PRSS35: variants seen among roughly 807,000 people sequenced by gnomAD.
The protein encoded by PRSS35 is serine protease 35, also known as inactive serine protease 35.
PRSS35 carries 7 observed loss-of-function variants against 8.1 expected under a neutral mutation model. That is an observed-to-expected ratio of 0.86 (90% CI 0.49 to 1.62). The LOEUF is 1.62. Among genes scored for constraint, PRSS35 ranks in the 40% most tolerant of loss-of-function variants. The pLI, the probability that PRSS35 is intolerant of heterozygous loss-of-function variation, is 0.00. For synonymous variants in PRSS35, 199 were observed against 188.7 expected, an observed-to-expected ratio of 1.05 and a Z score of -0.45; for missense variants, 566 against 518.0, an observed-to-expected ratio of 1.09 and a Z score of -0.90.
Position 83,524,002 on chromosome 6 carries a change from G to T in PRSS35, c.561G>T (p.Gly187=). The change falls in exon 2 of 2, where the codon GGG becomes GGT. Residue 187 remains glycine, a synonymous_variant. Coordinates refer to ENST00000369700, the MANE Select transcript of PRSS35 (RefSeq NM_153362.3). The part of the protein sequence containing the change: ...YVKGSKKLRV[G]LLKMRNKSGG... ...AAGGGAGTAAAAAGCTAAGGGTAGGGTTGTTGAAGATGAGGAATAAAAGTG... is the reference window on the plus strand; with the variant it reads ...AAGGGAGTAAAAAGCTAAGGGTAGGTTTGTTGAAGATGAGGAATAAAAGTG... 1 of 1,614,166 alleles carries T rather than the reference G, an allele frequency of 6.2e-7. No individual in the cohort carries two copies. Among genetic ancestry groups the T allele is most frequent in the Non-Finnish European group, 8.5e-7 (1 of 1,180,038 alleles).
At position 83,523,514 on chromosome 6, in the gene PRSS35, T is replaced by G. The variant is rs755245905; in HGVS notation, c.73T>G (p.Trp25Gly). 4 of 1,614,042 alleles carry G rather than the reference T, an allele frequency of 2.5e-6. No homozygotes were observed. In the Admixed American group the frequency reaches 5.0e-5, roughly 20 times the overall value. Residue 25 changes from tryptophan to glycine, a missense_variant, in exon 2 of 2, where the codon TGG (tryptophan) becomes GGG (glycine). Trp to Gly is a radical substitution (Grantham distance 184). Coordinates refer to ENST00000369700, the MANE Select transcript of PRSS35 (RefSeq NM_153362.3). ...WTLIDGSEMEWDFMWHLRKVP... is the reference protein window; with the variant it reads ...WTLIDGSEMEGDFMWHLRKVP... ...CCTCATTGATGGATCTGAAATGGAA[T>G]GGGATTTTATGTGGCACTTGAGAAA...
At chr6:83,517,958 C>T (rs1008151742) in intron 1 of PRSS35, among the ~76,000 whole-genome samples, 3 of 152,110 alleles carry the variant, frequency 2.0e-5, no homozygotes, top group South Asian at 2.1e-4. Context: ...CCCATGGCAA[C>T]ATGCTATGTA....
rs561976793 is a variant in PRSS35, at chr6:83,524,959, A to G, written c.*276A>G. 39 of 382,088 alleles carry G rather than the reference A, an allele frequency of 1.0e-4. No homozygotes were observed. The highest frequency in any genetic ancestry group is 7.5e-4 in the African/African-American group (36 of 47,976). 23.7% of individuals were successfully genotyped at this position (382,088 alleles called of 1,614,324 possible). A position where few individuals can be genotyped will look rare whatever the true frequency, so the allele number is the denominator to read the frequency against. On this transcript the variant is annotated 3_prime_UTR_variant, in exon 2 of 2. Transcript: ENST00000369700. ...TTTGTTGCCTTCTTAAAAATTAGAC[A>G]CACTTTAAACCTTCAAACAGGTATT... is the stretch of plus-strand genomic sequence containing the variant.
rs1771789815 is a variant in PRSS35, at chr6:83,519,891, T to C, written c.-20-3531T>C. ...TATGAGATATTGGAGGCATTACATA[T>C]AAACCTTATGAACTTCACTTTTGCC... is the stretch of plus-strand genomic sequence containing the variant. On this transcript the variant is annotated intron_variant, in intron 1 of 1. Coordinates refer to ENST00000369700, the MANE Select transcript of PRSS35 (RefSeq NM_153362.3). Among the ~76,000 whole-genome samples, 2 of 152,126 alleles carry C rather than the reference T, an allele frequency of 1.3e-5. 1 individual carries two copies. The highest frequency in any genetic ancestry group is 4.2e-4 in the South Asian group (2 of 4,814).
intron 1 of PRSS35, among the ~76,000 whole-genome samples, chr6:83,519,236 T>A (rs1422134938): frequency 2.6e-5 from 4 of 152,190 alleles, no homozygotes; most frequent in African/African-American, 9.6e-5. Flanking sequence ...CTTAATTCCC[T>A]TCTACTCAAT....
chr6:83,516,776 G>A (rs759564033), intron 1 of PRSS35, among the ~76,000 whole-genome samples: 7 of 151,890 alleles, frequency 4.6e-5, no homozygotes, highest in Non-Finnish European at 8.8e-5. Context: ...ATCCTGCATT[G>A]CTCTGGCCTC....
intron 1 of PRSS35, among the ~76,000 whole-genome samples, chr6:83,517,164 T>C (rs1771738856): frequency 6.6e-6 from 1 of 152,174 alleles, no homozygotes; most frequent in Non-Finnish European, 1.5e-5. Flanking sequence ...ATTATCTCTA[T>C]CTAATAAATG....
At chr6:83,513,401 T>C (rs1455486161) in intron 1 of PRSS35, among the ~76,000 whole-genome samples, 4 of 152,242 alleles carry the variant, frequency 2.6e-5, no homozygotes, top group Non-Finnish European at 4.4e-5. Context: ...TTTTACACTG[T>C]CCTTGATTTG....
At chr6:83,518,755 A>G (rs980546520) in intron 1 of PRSS35, among the ~76,000 whole-genome samples, 1 of 150,538 alleles carries the variant, frequency 6.6e-6, no homozygotes, top group Non-Finnish European at 1.5e-5. Flanking sequence ...AAATTCACCA[A>G]TTAAGGTAGG....
chr6:83,515,642 C>T lies in PRSS35; in HGVS notation c.-21+2948C>T, dbSNP rs1417670424. On this transcript the variant is annotated intron_variant, in intron 1 of 1. Coordinates refer to ENST00000369700, the MANE Select transcript of PRSS35 (RefSeq NM_153362.3). ...ACTCAGCCCAGAGTAGCTGGGACCACAGGCATGCGCCACCACACTTGTAGA... is the reference window on the plus strand; with the variant it reads ...ACTCAGCCCAGAGTAGCTGGGACCATAGGCATGCGCCACCACACTTGTAGA... 1.3e-5 allele frequency among the ~76,000 whole-genome samples: 2 copies of T among 152,046 alleles called. 1 individual carries two copies. The highest frequency in any genetic ancestry group is 1.3e-4 in the Admixed American group (2 of 15,260).
rs114766513 is a variant in PRSS35 at position 83,520,588 on chromosome 6, G to A, written c.-20-2834G>A. On this transcript the variant is annotated intron_variant, in intron 1 of 1. Transcript: ENST00000369700. ...AGAATGTGAACGTGAACACAGAGAA[G>A]GAAAACCATGCCTATATCATTGGTA... 3.9e-3 allele frequency among the ~76,000 whole-genome samples: 595 copies of A among 152,214 alleles called. 8 individuals are homozygous for A. Among genetic ancestry groups the A allele is most frequent in the African/African-American group, 0.014 (574 of 41,542 alleles).
At chr6:83,515,524 T>G (rs910443553) in intron 1 of PRSS35, among the ~76,000 whole-genome samples, 1 of 152,020 alleles carries the variant, frequency 6.6e-6, no homozygotes, top group African/African-American at 2.4e-5. Flanking sequence ...GAGACAGGGT[T>G]GCCCTGTCTC....
chr6:83,523,787 G>A lies in PRSS35; in HGVS notation c.346G>A (p.Val116Ile), dbSNP rs201992952. Residue 116 changes from valine (V) to isoleucine (I), a missense_variant, in exon 2 of 2, where the codon GTA becomes ATA. By Grantham distance (29) the Val-to-Ile change is conservative. Transcript: ENST00000369700. ...EPTQNITTKG[V>I]SVRRKRQVYG... ...GACTCAAAATATCACCACAAAGGGAGTATCTGTTAGGAGAAAGAGACAGGT... is the reference window on the plus strand; with the variant it reads ...GACTCAAAATATCACCACAAAGGGAATATCTGTTAGGAGAAAGAGACAGGT... 2.4e-5 allele frequency: 38 copies of A among 1,614,064 alleles called. No individual in the cohort carries two copies. Among genetic ancestry groups the A allele is most frequent in the East Asian group, 1.6e-4 (7 of 44,892 alleles).
intron 1 of PRSS35, among the ~76,000 whole-genome samples, chr6:83,520,323 G>A (rs867534855): frequency 2.0e-5 from 3 of 152,142 alleles, no homozygotes; most frequent in Non-Finnish European, 4.4e-5. Context: ...CCTTTATTGA[G>A]TGTCAAAGTC....
chr6:83,513,999 G>C (rs1036500194), intron 1 of PRSS35, among the ~76,000 whole-genome samples: 6 of 152,184 alleles, frequency 3.9e-5, no homozygotes, highest in African/African-American at 1.4e-4. Flanking sequence ...AGGTAACTTT[G>C]CAGATGAGAA....
intron 1 of PRSS35, among the ~76,000 whole-genome samples, chr6:83,516,911 T>C (rs1422072272): frequency 1.3e-5 from 2 of 152,190 alleles, no homozygotes; most frequent in Non-Finnish European, 2.9e-5. Flanking sequence ...ATCCTTAATG[T>C]AATCGTATTT....
intron 1 of PRSS35, among the ~76,000 whole-genome samples, chr6:83,515,978 CTAATTTTTGT>C: frequency 6.6e-6 from 1 of 152,074 alleles, no homozygotes; most frequent in South Asian, 2.1e-4. Flanking sequence ...GCATGCCTGG[CTAATTTTTGT>C]ATTTTTAGCA....
intron 1 of PRSS35, among the ~76,000 whole-genome samples, chr6:83,516,595 AGAAAT>A (rs1329672519): frequency 6.8e-6 from 1 of 147,116 alleles, no homozygotes; most frequent in East Asian, 2.0e-4. Context: ...AAAAAAAAAA[AGAAAT>A]CTGAAGTTGT....
In PRSS35 at chr6:83,524,322, G is replaced by T. The variant is rs1351872113; in HGVS notation, c.881G>T (p.Gly294Val). 1 of 1,614,126 alleles carries T rather than the reference G, an allele frequency of 6.2e-7. No individual in the cohort carries two copies. The highest frequency in any genetic ancestry group is 8.5e-7 in the Non-Finnish European group (1 of 1,180,018). Reference protein sequence around the residue: ...RAHKKKYMELGISPTIKKMPG... With the variant: ...RAHKKKYMELVISPTIKKMPG... ...CACAAAAAGAAATACATGGAACTTGGAATCAGCCCAACGATCAAGAAAATG... is the reference window on the plus strand; with the variant it reads ...CACAAAAAGAAATACATGGAACTTGTAATCAGCCCAACGATCAAGAAAATG... Residue 294 changes from glycine to valine, a missense_variant, in exon 2 of 2, where the codon GGA (glycine) becomes GTA (valine). Gly to Val is a moderately radical substitution (Grantham distance 109). Transcript: ENST00000369700.
Sources: allele counts gnomAD v4.1 joint callset (sites outside exome capture counted in the v4.1 genomes callset), GRCh38; gene constraint gnomAD v4.1.1; transcripts MANE v1.5; gene names NCBI Gene and HGNC (gene_info 2026-07-23, HGNC 2026-07-21).